The following HECW1 variants were observed in gnomAD, a reference collection of about 807,000 sequenced individuals.
HECW1 encodes HECT, C2 and WW domain containing E3 ubiquitin protein ligase 1.
Under a neutral mutation model 182.3 loss-of-function variants are expected in HECW1, and 61 were observed. The ratio of observed to expected loss-of-function variants is 0.33; its 90% CI spans 0.27 to 0.41. The LOEUF is 0.41. Ranked by LOEUF, HECW1 falls within the 10% of genes least tolerant of loss-of-function variation. HECW1 has a pLI of 1.00. For missense variants in HECW1, 1,739 were observed against 2,108.9 expected (o/e 0.82, Z 3.44); for synonymous variants, 859 against 832.6 (o/e 1.03, Z -0.55).
chr7:43,512,939 C>T (rs973451153), intron 24 of HECW1, among the ~76,000 whole-genome samples: 1 of 152,126 alleles, frequency 6.6e-6, no homozygotes, highest in African/African-American at 2.4e-5. Context: ...CTTCTTTATC[C>T]TTCGCTGACC....
At chr7:43,213,746 A>G (rs1796206724) in intron 2 of HECW1, among the ~76,000 whole-genome samples, 1 of 152,186 alleles carries the variant, frequency 6.6e-6, no homozygotes, top group South Asian at 2.1e-4. Context: ...CGCCCAGCCA[A>G]TAATTTTTTT....
chr7:43,559,019 C>T (rs2082123079), intron 29 of HECW1, among the ~76,000 whole-genome samples: 1 of 152,202 alleles, frequency 6.6e-6, no homozygotes, highest in South Asian at 2.1e-4. Context: ...ACCGGCTGAA[C>T]AATTGGCAGC....
intron 28 of HECW1, 47 bp downstream of exon 28, chr7:43,552,383 C>T (rs781494466): frequency 7.9e-6 from 9 of 1,143,652 alleles, no homozygotes; most frequent in Non-Finnish European, 1.2e-5. Flanking sequence ...AAATAGAACT[C>T]AGCACTTTCC....
chr7:43,142,549 T>C (rs759993174), intron 2 of HECW1, among the ~76,000 whole-genome samples: 9 of 152,102 alleles, frequency 5.9e-5, no homozygotes, highest in Non-Finnish European at 1.3e-4. Flanking sequence ...TCCTGCTAGG[T>C]TTCAGCTCAA....
chr7:43,370,443 T>C (rs1817190437), intron 6 of HECW1, among the ~76,000 whole-genome samples: 1 of 152,242 alleles, frequency 6.6e-6, no homozygotes, highest in Non-Finnish European at 1.5e-5. Context: ...ACAATTTGGT[T>C]GTTACTTACA....
intron 14 of HECW1, among the ~76,000 whole-genome samples, chr7:43,464,585 T>C (rs1183593866): frequency 2.0e-5 from 3 of 152,182 alleles, no homozygotes; most frequent in Non-Finnish European, 4.4e-5. Flanking sequence ...TGATGGCAGA[T>C]TTATTTGCCA....
intron 3 of HECW1, among the ~76,000 whole-genome samples, chr7:43,298,094 AC>A (rs962648066): frequency 2.0e-5 from 3 of 152,262 alleles, no homozygotes; most frequent in Non-Finnish European, 2.9e-5. Flanking sequence ...AGGAAAAAAA[AC>A]AATTTAGATT....
intron 1 of HECW1, chr7:43,113,535 C>T (rs1302981564): frequency 1.7e-5 from 3 of 173,470 alleles, no homozygotes; most frequent in African/African-American, 4.8e-5. Context: ...TGTGTGGGTG[C>T]TCCCCCAGCG....
In HECW1 at chr7:43,366,187, G is replaced by A. The variant is rs112277275; in HGVS notation, c.555+5207G>A. Among the ~76,000 whole-genome samples the A allele has an allele frequency of 5.0e-3, 756 of 151,734 alleles. 5 individuals carry two copies. Among genetic ancestry groups the A allele is most frequent in the African/African-American group, 0.017 (719 of 41,344 alleles). On this transcript the variant is annotated intron_variant, in intron 6 of 29. Transcript: ENST00000395891. The stretch of plus-strand genomic sequence containing the variant: ...GATTCATATACTTGTCAGACCCCCT[G>A]AGCAGAGGTAAGAGTTGACACTATT...
chr7:43,310,955 A>C (rs1029382492), intron 3 of HECW1, among the ~76,000 whole-genome samples: 1 of 152,192 alleles, frequency 6.6e-6, no homozygotes, highest in African/African-American at 2.4e-5. Flanking sequence ...TTGTTTCTGC[A>C]TGAGTTCTAT....
intron 2 of HECW1, among the ~76,000 whole-genome samples, chr7:43,202,950 C>T (rs563541058): frequency 6.6e-6 from 1 of 152,214 alleles, no homozygotes; most frequent in African/African-American, 2.4e-5. Flanking sequence ...TTTTCCACTA[C>T]CTACCCAAAT....
At chr7:43,461,701 G>A (rs2077589193) in intron 13 of HECW1, among the ~76,000 whole-genome samples, 2 of 152,124 alleles carry the variant, frequency 1.3e-5, no homozygotes, top group Non-Finnish European at 1.5e-5. Flanking sequence ...ACGGGGTGGT[G>A]AATTACAACA....
At chr7:43,383,113 A>G (rs933451988) in intron 6 of HECW1, among the ~76,000 whole-genome samples, 6 of 152,126 alleles carry the variant, frequency 3.9e-5, no homozygotes, top group African/African-American at 1.4e-4. Flanking sequence ...ACATGAACTC[A>G]TTATTTTTTT....
chr7:43,225,139 CCAGAT>C (rs1182519827), intron 2 of HECW1, among the ~76,000 whole-genome samples: 1 of 152,120 alleles, frequency 6.6e-6, no homozygotes, highest in African/African-American at 2.4e-5. Context: ...ATGGACTGAG[CCAGAT>C]CGAGGGACTC....
At chr7:43,265,807 T>C (rs1010312178) in intron 3 of HECW1, among the ~76,000 whole-genome samples, 2 of 152,140 alleles carry the variant, frequency 1.3e-5, no homozygotes, top group Non-Finnish European at 2.9e-5. Flanking sequence ...CCCAAGCAAC[T>C]ACAAATTTGA....
intron 2 of HECW1, chr7:43,239,214 C>T (rs1428159060): frequency 6.6e-6 from 1 of 152,196 alleles, no homozygotes; most frequent in East Asian, 1.9e-4. Context: ...ACTCTTCATC[C>T]CACCTCTTGG....
At chr7:43,122,742 C>T (rs144200666) in intron 2 of HECW1, among the ~76,000 whole-genome samples, 123 of 152,198 alleles carry the variant, frequency 8.1e-4, no homozygotes, top group African/African-American at 2.8e-3. Flanking sequence ...AAATGTTAAG[C>T]TTCGAGATTC....
At chr7:43,475,955 A>G (rs1291175159) in intron 16 of HECW1, among the ~76,000 whole-genome samples, 1 of 152,238 alleles carries the variant, frequency 6.6e-6, no homozygotes, top group Non-Finnish European at 1.5e-5. Flanking sequence ...ATCTTATTGT[A>G]CAATCGGGTC....
chr7:43,298,669 A>G (rs1034476163), intron 3 of HECW1, among the ~76,000 whole-genome samples: 6 of 152,216 alleles, frequency 3.9e-5, no homozygotes, highest in African/African-American at 1.4e-4. Context: ...TCCTCTTGGA[A>G]AAACCCAAAT....
Sources: allele counts gnomAD v4.1 joint callset (sites outside exome capture counted in the v4.1 genomes callset), GRCh38; gene constraint gnomAD v4.1.1; transcripts MANE v1.5; gene names NCBI Gene and HGNC (gene_info 2026-07-23, HGNC 2026-07-21).